The following RIMBP2 variants were observed in gnomAD, a reference collection of about 807,000 sequenced individuals.
RIMBP2 encodes RIMS binding protein 2, also known as RIMS-binding protein 2.
Under a neutral mutation model 118.6 loss-of-function variants are expected in RIMBP2, and 48 were observed. That is an observed-to-expected ratio of 0.40 (90% CI 0.32 to 0.51). The LOEUF (loss-of-function observed/expected upper bound fraction) is 0.51. RIMBP2 is among the 20% of genes least tolerant of loss of function. The probability of loss-of-function intolerance (pLI) is 0.41; values close to 1 mark genes in which losing one functional copy is unlikely to be tolerated. For synonymous variants in RIMBP2, 762 were observed against 742.9 expected, an observed-to-expected ratio of 1.03 and a Z score of -0.42; for missense variants, 1,551 against 1,768.3, an observed-to-expected ratio of 0.88 and a Z score of 2.20.
intron 2 of RIMBP2, among the ~76,000 whole-genome samples, chr12:130,605,575 AATGATGC>A (rs1363127139): frequency 6.6e-6 from 1 of 152,216 alleles, no homozygotes; most frequent in Non-Finnish European, 1.5e-5. Context: ...TTTTATTTTT[AATGATGC>A]ATGATAAAGT....
At chr12:130,677,918 TGAAGGCCCCGCA>T (rs1051253441) in intron 1 of RIMBP2, among the ~76,000 whole-genome samples, 12 of 152,384 alleles carry the variant, frequency 7.9e-5, no homozygotes, top group African/African-American at 2.9e-4. Context: ...TGCCTTGGCC[TGAAGGCCCCGCA>T]GAAGGCACCC....
intron 3 of RIMBP2, among the ~76,000 whole-genome samples, chr12:130,517,225 C>A (rs1205955444): frequency 6.6e-6 from 1 of 151,950 alleles, no homozygotes; most frequent in Non-Finnish European, 1.5e-5. Flanking sequence ...GGAAGAGAGC[C>A]CTGAGCTGGT....
intron 11 of RIMBP2, among the ~76,000 whole-genome samples, chr12:130,440,998 G>C (rs1358816832): frequency 6.6e-6 from 1 of 152,188 alleles, no homozygotes; most frequent in African/African-American, 2.4e-5. Flanking sequence ...ATCTCCCCAG[G>C]AAAGGAAGGG....
Position 130,683,868 on chromosome 12 carries a change from G to A in RIMBP2, c.-352+32354C>T, listed in dbSNP as rs976773286. 6.6e-6 allele frequency among the ~76,000 whole-genome samples: 1 copy of A among 152,210 alleles called. No homozygotes were observed. The highest frequency in any genetic ancestry group is 2.4e-5 in the African/African-American group (1 of 41,446). ...AAATAGGCAACCAGCAGCCCTCGGG[G>A]TTGTCCTGCCTATGGAATAGCCATT... is the stretch of plus-strand genomic sequence containing the variant. On this transcript the variant is annotated intron_variant, in intron 1 of 22. Transcript: ENST00000690449. This position sits in a 1 kb window ranked among gnomAD's most constrained non-coding sequence, Gnocchi z 4.4.
At chr12:130,706,523 C>G (rs2066129055) in intron 1 of RIMBP2, among the ~76,000 whole-genome samples, 1 of 152,238 alleles carries the variant, frequency 6.6e-6, no homozygotes, top group East Asian at 1.9e-4. Flanking sequence ...CGGAGCAGCT[C>G]CCCGCACAGA....
In RIMBP2 at chr12:130,617,049, A is replaced by C. The variant is rs559435039; in HGVS notation, c.-217+11273T>G. Among the ~76,000 whole-genome samples, 1 of 151,696 alleles carries C rather than the reference A, an allele frequency of 6.6e-6. No homozygotes were observed. The highest frequency in any genetic ancestry group is 1.5e-5 in the Non-Finnish European group (1 of 67,892). On this transcript the variant is annotated intron_variant, in intron 2 of 22. Transcript: ENST00000690449. This position sits in a 1 kb window ranked among gnomAD's most constrained non-coding sequence, Gnocchi z 4.6. ...CCATGTCCCACTGATGAGAGGTTCCACCCCATCTCTCATTTTTCCAGGACT... is the reference window on the plus strand; with the variant it reads ...CCATGTCCCACTGATGAGAGGTTCCCCCCCATCTCTCATTTTTCCAGGACT...
intron 4 of RIMBP2, among the ~76,000 whole-genome samples, chr12:130,493,526 G>A (rs927901844): frequency 2.6e-5 from 4 of 152,060 alleles, no homozygotes; most frequent in African/African-American, 9.7e-5. Flanking sequence ...TGTTGGCCAG[G>A]CTGGTCTCAA....
intron 3 of RIMBP2, among the ~76,000 whole-genome samples, chr12:130,514,144 G>T (rs547932641): frequency 4.6e-5 from 7 of 152,348 alleles, no homozygotes; most frequent in Admixed American, 3.3e-4. Flanking sequence ...CGCAAAGCAG[G>T]CTGCAGGACA....
At chr12:130,601,219 C>G (rs1475551435) in intron 2 of RIMBP2, among the ~76,000 whole-genome samples, 1 of 150,570 alleles carries the variant, frequency 6.6e-6, no homozygotes, top group Non-Finnish European at 1.5e-5. Context: ...CAAGCTAAAA[C>G]TGAGTTAGTC....
At chr12:130,417,540 C>T (rs1008225001) in intron 17 of RIMBP2, among the ~76,000 whole-genome samples, 3 of 152,088 alleles carry the variant, frequency 2.0e-5, no homozygotes, top group African/African-American at 4.8e-5. Context: ...CACATAGACA[C>T]GAAGATGGGA....
chr12:130,415,293 C>T (rs181051633), intron 17 of RIMBP2, among the ~76,000 whole-genome samples: 1 of 152,220 alleles, frequency 6.6e-6, no homozygotes, highest in East Asian at 1.9e-4. Context: ...AGAACTAAAA[C>T]AAAAACCATA....
At chr12:130,659,793 T>C (rs1199975103) in intron 1 of RIMBP2, among the ~76,000 whole-genome samples, 1 of 151,690 alleles carries the variant, frequency 6.6e-6, no homozygotes, top group Non-Finnish European at 1.5e-5. Context: ...GCCAACATAG[T>C]GAAACCTCAT....
At chr12:130,645,750 C>T (rs560087409) in intron 1 of RIMBP2, among the ~76,000 whole-genome samples, 93 of 152,314 alleles carry the variant, frequency 6.1e-4, no homozygotes, top group South Asian at 1.2e-3. Flanking sequence ...TCTTCCTTAT[C>T]GCTGGACTTT....
chr12:130,422,564 A>G lies in RIMBP2; in HGVS notation c.3130-3T>C, dbSNP rs899158018. 21 of 1,597,464 alleles carry G rather than the reference A, an allele frequency of 1.3e-5. No individual in the cohort carries two copies. The highest frequency in any genetic ancestry group is 1.8e-5 in the Non-Finnish European group (21 of 1,170,286). The stretch of plus-strand genomic sequence containing the variant: ...GCAGAGGCTGGGTTCCCTAAAATCT[A>G]AAGACAAAACAACAACAAAGTCGTA... On this transcript the variant is annotated splice_region_variant and splice_polypyrimidine_tract_variant and intron_variant, in intron 16 of 22. Coordinates refer to ENST00000690449, the MANE Select transcript of RIMBP2 (RefSeq NM_001393629.1). The surrounding 1 kb of genome is among the most constrained non-coding windows in gnomAD (Gnocchi z 5.2).
chr12:130,437,465 G>A (rs186414729), intron 12 of RIMBP2, among the ~76,000 whole-genome samples, 174 bp from the exon 13 acceptor site: 59 of 152,274 alleles, frequency 3.9e-4, no homozygotes, highest in African/African-American at 1.1e-3. Flanking sequence ...CGGGGAGGGG[G>A]CGGGGCAGGT....
intron 14 of RIMBP2, chr12:130,432,330 A>G: frequency 2.2e-6 from 1 of 456,486 alleles, no homozygotes; most frequent in Non-Finnish European, 4.4e-6. Flanking sequence ...CCCTGTATAC[A>G]TAAAATAAGA....
At position 130,447,418 on chromosome 12, in the gene RIMBP2, G is replaced by T. The variant is rs928436107; in HGVS notation, c.582-2149C>A. On this transcript the variant is annotated intron_variant, in intron 9 of 22. Transcript: ENST00000690449. The surrounding 1 kb of genome is among the most constrained non-coding windows in gnomAD (Gnocchi z 4.4). ...ACGTACTGTGTGGATGAGACCAGGG[G>T]ACACGTCGGGAATGGGGACTCAACA... Among the ~76,000 whole-genome samples, 1 of 152,300 alleles carries T rather than the reference G, an allele frequency of 6.6e-6. No individual in the cohort carries two copies. Among genetic ancestry groups the T allele is most frequent in the African/African-American group, 2.4e-5 (1 of 41,570 alleles).
At chr12:130,639,742 A>T (rs1197169891) in intron 1 of RIMBP2, among the ~76,000 whole-genome samples, 1 of 152,032 alleles carries the variant, frequency 6.6e-6, no homozygotes, top group Non-Finnish European at 1.5e-5. Flanking sequence ...TGGGACCCGC[A>T]CCCTAACTAT....
Position 130,511,237 on chromosome 12 carries a change from G to A in RIMBP2, c.-126-4467C>T, listed in dbSNP as rs1847462695. Among the ~76,000 whole-genome samples the A allele has an allele frequency of 6.6e-6, 1 of 152,122 alleles. No individual in the cohort carries two copies. Among genetic ancestry groups the A allele is most frequent in the African/African-American group, 2.4e-5 (1 of 41,416 alleles). Reference sequence around the variant, plus strand: ...GAAGGAAGCCAAAAAAAGGCAAGAGGAGAGACTGTCCCCCAGAGCCTCAGG... The same window carrying A: ...GAAGGAAGCCAAAAAAAGGCAAGAGAAGAGACTGTCCCCCAGAGCCTCAGG... On this transcript the variant is annotated intron_variant, in intron 3 of 22. Coordinates refer to ENST00000690449, the MANE Select transcript of RIMBP2 (RefSeq NM_001393629.1). This position sits in a 1 kb window ranked among gnomAD's most constrained non-coding sequence, Gnocchi z 4.3.
Sources: allele counts gnomAD v4.1 joint callset (sites outside exome capture counted in the v4.1 genomes callset), GRCh38; gene constraint gnomAD v4.1.1; non-coding constraint Gnocchi (gnomAD v3.1); transcripts MANE v1.5; gene names NCBI Gene and HGNC (gene_info 2026-07-23, HGNC 2026-07-21).